The following SLC8A1 variants were observed in gnomAD, a reference collection of about 807,000 sequenced individuals.
SLC8A1 encodes solute carrier family 8 member A1.
A neutral mutation model predicts 68.3 loss-of-function variants in SLC8A1; 18 were observed. The ratio of observed to expected loss-of-function variants is 0.26; its 90% CI spans 0.18 to 0.39. The LOEUF is 0.39. Ranked by LOEUF, SLC8A1 falls within the 10% of genes least tolerant of loss-of-function variation. The pLI, the probability that SLC8A1 is intolerant of heterozygous loss-of-function variation, is 1.00. For synonymous variants in SLC8A1, 475 were observed against 415.5 expected, an observed-to-expected ratio of 1.14 and a Z score of -1.74; for missense variants, 985 against 1,156.7, an observed-to-expected ratio of 0.85 and a Z score of 2.15.
chr2:40,425,646 T>C lies in SLC8A1; in HGVS notation c.1808+2827A>G, dbSNP rs373336432. Among the ~76,000 whole-genome samples, 3 of 152,010 alleles carry C rather than the reference T, an allele frequency of 2.0e-5. No individual in the cohort carries two copies. The South Asian group carries it at 6.2e-4, about 31-fold the overall frequency. On this transcript the variant is annotated intron_variant, in intron 2 of 7. Coordinates refer to ENST00000406785, the Ensembl canonical transcript of SLC8A1. ...ACTGTAGGTTTTGAAGGAGGACATC[T>C]TTCAAGATTAACTATGTAATTTGAT...
At chr2:40,288,930 C>T (rs148838283) in intron 2 of SLC8A1, among the ~76,000 whole-genome samples, 2,207 of 148,452 alleles carry the variant, frequency 0.015, 54 homozygotes, top group African/African-American at 0.052. Context: ...AATCTCCTAG[C>T]CTCAAGTGAT....
At chr2:40,323,739 G>A (rs1269802996) in intron 2 of SLC8A1, among the ~76,000 whole-genome samples, 2 of 152,012 alleles carry the variant, frequency 1.3e-5, no homozygotes, top group Non-Finnish European at 2.9e-5. Flanking sequence ...GCTTCCGAGA[G>A]TGTTTAACTA....
chr2:40,450,917 C>A (rs1341021037), intron 1 of SLC8A1, among the ~76,000 whole-genome samples: 3 of 151,860 alleles, frequency 2.0e-5, no homozygotes, highest in Non-Finnish European at 4.4e-5. Context: ...GAGGGAAATA[C>A]AAATTGCCAG....
intron 2 of SLC8A1, among the ~76,000 whole-genome samples, chr2:40,409,447 G>A (rs1691430844): frequency 6.6e-6 from 1 of 152,116 alleles, no homozygotes; most frequent in African/African-American, 2.4e-5. Context: ...CTTCTGGACA[G>A]AAATAAATTT....
At chr2:40,508,189 C>A (rs1381578233) in intron 1 of SLC8A1, among the ~76,000 whole-genome samples, 1 of 151,894 alleles carries the variant, frequency 6.6e-6, no homozygotes, top group African/African-American at 2.4e-5. Context: ...ACACATTGCT[C>A]AGAATAGAGT....
intron 2 of SLC8A1, among the ~76,000 whole-genome samples, chr2:40,338,934 T>A (rs1204653609): frequency 1.3e-5 from 2 of 152,178 alleles, no homozygotes; most frequent in African/African-American, 2.4e-5. Flanking sequence ...CAAATTAGCA[T>A]ATAATCTACC....
chr2:40,210,037 A>G (rs928394325), intron 2 of SLC8A1: 3 of 152,214 alleles, frequency 2.0e-5, no homozygotes, highest in Non-Finnish European at 4.4e-5. Context: ...GAGAGAATGT[A>G]TATTTGCTAG....
chr2:40,163,622 T>G (rs2046051939), intron 5 of SLC8A1, among the ~76,000 whole-genome samples: 2 of 152,320 alleles, frequency 1.3e-5, no homozygotes, highest in Non-Finnish European at 2.9e-5. Flanking sequence ...AAGTTCTGTG[T>G]CATACAATGG....
intron 1 of SLC8A1, among the ~76,000 whole-genome samples, chr2:40,507,432 G>A (rs1001157733): frequency 1.3e-5 from 2 of 151,912 alleles, no homozygotes; most frequent in African/African-American, 4.8e-5. Context: ...TTTTTATAGA[G>A]TTGGTATTCA....
chr2:40,324,627 G>A (rs2075606546), intron 2 of SLC8A1, among the ~76,000 whole-genome samples: 1 of 152,038 alleles, frequency 6.6e-6, no homozygotes, highest in South Asian at 2.1e-4. Flanking sequence ...ATCCACTGGG[G>A]AGAATTAAGT....
intron 7 of SLC8A1, among the ~76,000 whole-genome samples, chr2:40,125,906 T>G (rs572453892): frequency 7.5e-4 from 114 of 152,332 alleles, no homozygotes; most frequent in African/African-American, 2.6e-3. Flanking sequence ...GTTAAATATC[T>G]CTTATTTTTA....
At chr2:40,380,620 T>A (rs75381100) in intron 2 of SLC8A1, among the ~76,000 whole-genome samples, 3,529 of 152,208 alleles carry the variant, frequency 0.023, 56 homozygotes, top group Middle Eastern at 0.037. Flanking sequence ...CACTTCAACA[T>A]CCTAAAGCAA....
chr2:40,392,339 T>A (rs778479455), intron 2 of SLC8A1, among the ~76,000 whole-genome samples: 33 of 152,134 alleles, frequency 2.2e-4, no homozygotes, highest in Admixed American at 4.6e-4. Context: ...CCATCTTATC[T>A]ACCCGTTCCC....
intron 2 of SLC8A1, among the ~76,000 whole-genome samples, chr2:40,407,275 A>G (rs1464774096): frequency 1.3e-5 from 2 of 152,178 alleles, no homozygotes; most frequent in East Asian, 1.9e-4. Flanking sequence ...CATGTTGGCC[A>G]GGCTGGTCTG....
intron 2 of SLC8A1, among the ~76,000 whole-genome samples, chr2:40,221,076 C>CAAAA (rs57366828): frequency 2.6e-4 from 40 of 151,850 alleles, no homozygotes; most frequent in African/African-American, 8.4e-4. Flanking sequence ...ACAACAACAA[C>CAAAA]AAAAAAGAAA....
At chr2:40,153,097 T>C (rs1349259975) in intron 6 of SLC8A1, among the ~76,000 whole-genome samples, 1 of 152,118 alleles carries the variant, frequency 6.6e-6, no homozygotes, top group African/African-American at 2.4e-5. Context: ...TAAAAAAATA[T>C]CACTTACAAG....
intron 3 of SLC8A1, among the ~76,000 whole-genome samples, chr2:40,176,917 A>G (rs1377579031): frequency 6.6e-6 from 1 of 152,198 alleles, no homozygotes; most frequent in East Asian, 1.9e-4. Context: ...AAGCCCTATG[A>G]ACAATTCAGA....
intron 7 of SLC8A1, among the ~76,000 whole-genome samples, chr2:40,123,562 C>T (rs2037404362): frequency 6.6e-6 from 1 of 152,108 alleles, no homozygotes; most frequent in Non-Finnish European, 1.5e-5. Context: ...CTTGGCTTCT[C>T]CTGGCATTAC....
At chr2:40,120,860 C>T (rs954044473) in intron 7 of SLC8A1, 2 of 152,146 alleles carry the variant, frequency 1.3e-5, no homozygotes, top group Non-Finnish European at 2.9e-5. Flanking sequence ...TTCATTGATA[C>T]GAGTGAAGCC....
Sources: allele counts gnomAD v4.1 joint callset (sites outside exome capture counted in the v4.1 genomes callset), GRCh38; gene constraint gnomAD v4.1.1; transcripts MANE v1.5; gene names NCBI Gene and HGNC (gene_info 2026-07-23, HGNC 2026-07-21).